APLF: variants seen among roughly 807,000 people sequenced by gnomAD.
APLF encodes aprataxin and PNKP like factor.
In APLF, 61 loss-of-function variants were observed where a neutral mutation model predicts 55.6. The ratio of observed to expected loss-of-function variants is 1.10; its 90% CI spans 0.89 to 1.36. APLF has a LOEUF of 1.36. APLF is among the 40% of genes most tolerant of loss of function. APLF has a pLI of 0.00. For missense variants in APLF, 611 were observed against 602.5 expected (o/e 1.01, Z -0.15); for synonymous variants, 207 against 214.8 (o/e 0.96, Z 0.32).
chr2:68,561,869 A>G lies in APLF; in HGVS notation c.1287-5472A>G, dbSNP rs528839134. 3.3e-5 allele frequency among the ~76,000 whole-genome samples: 5 copies of G among 152,224 alleles called. No homozygotes were observed. The South Asian group carries it at 8.3e-4, about 25-fold the overall frequency. On this transcript the variant is annotated intron_variant, in intron 8 of 9. Coordinates refer to ENST00000303795, the MANE Select transcript of APLF (RefSeq NM_173545.3). Reference sequence around the variant, plus strand: ...TAGGGTTTACTAAAAATAAAAAATTATAAGTGTTAGCATTAACTCGAGAAA... The same window carrying G: ...TAGGGTTTACTAAAAATAAAAAATTGTAAGTGTTAGCATTAACTCGAGAAA...
intron 9 of APLF, chr2:68,568,307 C>T: frequency 1.0e-6 from 1 of 985,328 alleles, no homozygotes; most frequent in Non-Finnish European, 1.2e-6. Flanking sequence ...AGGCTGCACT[C>T]ACTTGCATTT....
At chr2:68,554,065 T>G (rs1162585072) in intron 8 of APLF, among the ~76,000 whole-genome samples, 1 of 152,202 alleles carries the variant, frequency 6.6e-6, no homozygotes, top group African/African-American at 2.4e-5. Flanking sequence ...GGTAGTATAT[T>G]GTATTTCCAA....
intron 6 of APLF, among the ~76,000 whole-genome samples, chr2:68,526,848 C>T (rs1373443319): frequency 3.9e-5 from 6 of 152,136 alleles, no homozygotes; most frequent in Admixed American, 6.5e-5. Context: ...CTACCATGCC[C>T]GCCTAATTTT....
At position 68,467,635 on chromosome 2, in the gene APLF, TTTTC is replaced by T. The variant is rs1675468915; in HGVS notation, c.-96_-93del. ...GCCTTTGAGGCCCTCCCTCGGTGTT[TTTTC>T]CCAGGGCGTGGGCTTGCCCCGCGCG... On this transcript the variant is annotated 5_prime_UTR_variant, in exon 1 of 10. Coordinates refer to ENST00000303795, the MANE Select transcript of APLF (RefSeq NM_173545.3). 1.9e-6 allele frequency: 2 copies of T among 1,072,078 alleles called. No homozygotes were observed. Among genetic ancestry groups the T allele is most frequent in the Non-Finnish European group, 2.4e-6 (2 of 840,374 alleles). The allele number at this position is 1,072,078 out of a possible 1,614,324, so 66.4% of individuals were successfully genotyped here.
rs185562936 is a variant in APLF, at chr2:68,526,901, C to T, written c.804+659C>T. ...CGGAGTTTCACCATGTTGGCCGGAA[C>T]GATCTCGATCTCCTTTTTTTTAATT... On this transcript the variant is annotated intron_variant, in intron 6 of 9. Transcript: ENST00000303795. Among the ~76,000 whole-genome samples, 706 of 152,254 alleles carry T rather than the reference C, an allele frequency of 4.6e-3. 9 individuals carry two copies. The highest frequency in any genetic ancestry group is 0.016 in the African/African-American group (658 of 41,542).
intron 8 of APLF, among the ~76,000 whole-genome samples, chr2:68,554,987 G>T (rs1355425104): frequency 6.6e-6 from 1 of 151,878 alleles, no homozygotes; most frequent in Non-Finnish European, 1.5e-5. Context: ...AGAATAGAGA[G>T]CCCAGAAAAA....
chr2:68,557,880 C>T (rs1472997975), intron 8 of APLF, among the ~76,000 whole-genome samples: 1 of 151,132 alleles, frequency 6.6e-6, no homozygotes, highest in African/African-American at 2.4e-5. Context: ...CACTGCACTC[C>T]AGCCTGGGCG....
At chr2:68,526,354 T>G (rs1266335229) in intron 6 of APLF, 112 bp downstream of exon 6, 14 of 1,437,602 alleles carry the variant, frequency 9.7e-6, no homozygotes, top group Non-Finnish European at 1.3e-5. Flanking sequence ...GTTGAGTTTA[T>G]GAAGACAAAA....
chr2:68,578,289 A>G lies in APLF; in HGVS notation c.*267A>G, dbSNP rs1221511735. ...GGTAGAGTAAAAATGGATATTTTTT[A>G]TGTACTTTGTATATTGGTAATAAAA... On this transcript the variant is annotated 3_prime_UTR_variant, in exon 10 of 10. Transcript: ENST00000303795. 8 of 1,171,474 alleles carry G rather than the reference A, an allele frequency of 6.8e-6. No homozygotes were observed. The highest frequency in any genetic ancestry group is 6.4e-6 in the Non-Finnish European group (6 of 942,882). The allele number at this position is 1,171,474 out of a possible 1,614,324, so 72.6% of individuals were successfully genotyped here.
At chr2:68,547,547 A>G (rs958740191) in intron 8 of APLF, among the ~76,000 whole-genome samples, 8 of 151,748 alleles carry the variant, frequency 5.3e-5, no homozygotes, top group Non-Finnish European at 1.2e-4. Flanking sequence ...AAATAGGCTT[A>G]TATATGTAAG....
rs1428458512 is a variant in APLF, at chr2:68,552,852, T to G, written c.1286+7540T>G. 2.0e-5 allele frequency among the ~76,000 whole-genome samples: 3 copies of G among 152,180 alleles called. No individual in the cohort carries two copies. The East Asian group carries it at 5.8e-4, about 29-fold the overall frequency. On this transcript the variant is annotated intron_variant, in intron 8 of 9. Transcript: ENST00000303795. ...ATACGTGTAGATGTATACGTATAGA[T>G]ATGGTGCTTTCTTCACCTACTGAAC...
intron 7 of APLF, among the ~76,000 whole-genome samples, chr2:68,539,696 A>G (rs1428710827): frequency 6.6e-6 from 1 of 152,172 alleles, no homozygotes; most frequent in Non-Finnish European, 1.5e-5. Context: ...ATAAAATTCA[A>G]CATCCCATTT....
intron 6 of APLF, among the ~76,000 whole-genome samples, chr2:68,532,823 T>G (rs1237296738): frequency 1.3e-5 from 2 of 152,164 alleles, no homozygotes; most frequent in Non-Finnish European, 2.9e-5. Flanking sequence ...CTCTAAAGAT[T>G]TATGTTGAAA....
At position 68,511,198 on chromosome 2, in the gene APLF, A is replaced by G. The variant is rs1251722817; in HGVS notation, c.342-1882A>G. Among the ~76,000 whole-genome samples the G allele has an allele frequency of 1.1e-4, 16 of 151,932 alleles. No individual in the cohort carries two copies. The East Asian group carries it at 2.5e-3, about 24-fold the overall frequency. ...TGGATTATTTTTCAATAAAGCAGTT[A>G]TAAAAAAGGATAACTCAATTACCTT... On this transcript the variant is annotated intron_variant, in intron 3 of 9. Coordinates refer to ENST00000303795, the MANE Select transcript of APLF (RefSeq NM_173545.3).
At chr2:68,500,697 G>A (rs1375986453) in intron 2 of APLF, among the ~76,000 whole-genome samples, 1 of 152,130 alleles carries the variant, frequency 6.6e-6, no homozygotes, top group African/African-American at 2.4e-5. Flanking sequence ...AAAGCTATGT[G>A]GATTCCTGTT....
At chr2:68,565,514 G>GATAGATAGATAC (rs60590885) in intron 8 of APLF, among the ~76,000 whole-genome samples, 1,874 of 148,988 alleles carry the variant, frequency 0.013, 14 homozygotes, top group African/African-American at 0.024. Context: ...TAGACAGATA[G>GATAGATAGATAC]ATACATACAT....
At chr2:68,518,160 A>G (rs571184565) in intron 5 of APLF, among the ~76,000 whole-genome samples, 15 of 123,668 alleles carry the variant, frequency 1.2e-4, no homozygotes, top group Non-Finnish European at 1.8e-4. Context: ...TTATTAATGT[A>G]TAATAGTAAT....
At chr2:68,481,301 G>T (rs1675948242) in intron 1 of APLF, among the ~76,000 whole-genome samples, 2 of 152,076 alleles carry the variant, frequency 1.3e-5, no homozygotes, top group Non-Finnish European at 2.9e-5. Context: ...CTTAGTTTTT[G>T]CTTGTTTGGG....
Position 68,525,742 on chromosome 2 carries a change from C to CTTTTT in APLF, c.623-298_623-294dup, listed in dbSNP as rs386390398. ...TTTATCCTTTTTATTTTCTTTCTTT[C>CTTTTT]TTTTTTTTTTTTTTTTTTTTTTTTT... is the stretch of plus-strand genomic sequence containing the variant. On this transcript the variant is annotated intron_variant, in intron 5 of 9. Coordinates refer to ENST00000303795, the MANE Select transcript of APLF (RefSeq NM_173545.3). Among the ~76,000 whole-genome samples, 108 of 82,024 alleles carry CTTTTT rather than the reference C, an allele frequency of 1.3e-3. 7 individuals carry two copies. The highest frequency in any genetic ancestry group is 5.6e-3 in the African/African-American group (91 of 16,178). The allele number at this position is 82,024 out of a possible 152,430, so 53.8% of individuals were successfully genotyped here.
Sources: gnomAD v4.1 joint callset for allele counts (sites outside exome capture counted in the v4.1 genomes callset) on GRCh38, gnomAD v4.1.1 for gene constraint, MANE v1.5 for transcripts, NCBI Gene and HGNC (gene_info 2026-07-23, HGNC 2026-07-21) for gene names.